The following IST1 variants were observed in gnomAD, a reference collection of about 807,000 sequenced individuals.
The protein encoded by IST1 is IST1 factor associated with ESCRT-III.
IST1 carries 23 observed loss-of-function variants against 37.0 expected under a neutral mutation model. The ratio of observed to expected loss-of-function variants is 0.62; its 90% CI spans 0.45 to 0.88. The LOEUF (loss-of-function observed/expected upper bound fraction) is 0.88, where lower values mean the gene tolerates loss of function less well. Ranked by LOEUF, IST1 falls within the 40% of genes least tolerant of loss-of-function variation. The pLI is 0.00. For synonymous variants in IST1, 180 were observed against 161.7 expected, an observed-to-expected ratio of 1.11 and a Z score of -0.86; for missense variants, 488 against 445.4, an observed-to-expected ratio of 1.10 and a Z score of -0.86.
chr16:71,912,465 C>G (rs1233616372), intron 1 of IST1, among the ~76,000 whole-genome samples: 3 of 152,038 alleles, frequency 2.0e-5, no homozygotes, highest in East Asian at 1.9e-4. Context: ...TCTCGATCTC[C>G]TGACTTCGTG....
chr16:71,927,955 C>T lies in IST1; in HGVS notation c.*142C>T, dbSNP rs1056601061. The T allele has an allele frequency of 1.4e-5, 9 of 642,090 alleles. No individual in the cohort carries two copies. Among genetic ancestry groups the T allele is most frequent in the African/African-American group, 1.1e-4 (6 of 54,868 alleles). 39.8% of individuals were successfully genotyped at this position (642,090 alleles called of 1,614,324 possible). On this transcript the variant is annotated 3_prime_UTR_variant, in exon 10 of 10. Coordinates refer to ENST00000378799, the MANE Select transcript of IST1 (RefSeq NM_001270975.2). ...CTCCCTCTGGGCTCTCTTCCTGCTC[C>T]TCCAGATTCTGCTGCTTTCCAGTTC...
In IST1 at chr16:71,895,542, T is replaced by G. The variant is rs1458394301; in HGVS notation, c.-63T>G. ...CCGAGGGAGTCGCCATTTTGGATGG[T>G]GAACCCTGAAGTCGGTGTCTGCTGC... is the stretch of plus-strand genomic sequence containing the variant. On this transcript the variant is annotated 5_prime_UTR_variant, in exon 1 of 10. Transcript: ENST00000378799. 2 of 985,554 alleles carry G rather than the reference T, an allele frequency of 2.0e-6. No individual in the cohort carries two copies. Among genetic ancestry groups the G allele is most frequent in the Non-Finnish European group, 2.4e-6 (2 of 830,064 alleles). 61.1% of individuals were successfully genotyped at this position (985,554 alleles called of 1,614,324 possible).
At chr16:71,914,508 CACAT>C (rs991425149) in intron 1 of IST1, among the ~76,000 whole-genome samples, 119 of 152,252 alleles carry the variant, frequency 7.8e-4, no homozygotes, top group African/African-American at 2.6e-3. Context: ...GCCAATGTCT[CACAT>C]ACAGGTAATC....
intron 6 of IST1, 39 bp downstream of exon 6, chr16:71,921,492 A>T: frequency 1.6e-6 from 2 of 1,254,232 alleles, no homozygotes; most frequent in South Asian, 1.2e-5. Context: ...ATGAGTTTGT[A>T]GGTATGACCT....
intron 1 of IST1, among the ~76,000 whole-genome samples, chr16:71,902,587 A>G (rs549687532): frequency 1.1e-4 from 16 of 152,290 alleles, no homozygotes; most frequent in Middle Eastern, 3.4e-3. Context: ...AATTTTTGTA[A>G]TAGATCTAGT....
intron 1 of IST1, among the ~76,000 whole-genome samples, chr16:71,897,237 G>C (rs915471514): frequency 2.7e-5 from 4 of 148,254 alleles, no homozygotes; most frequent in African/African-American, 1.0e-4. Context: ...GCCCAGACTG[G>C]TCTTGAACTC....
In IST1 at chr16:71,928,173, G is replaced by C. The variant is rs898313762; in HGVS notation, c.*360G>C. 1.0e-5 allele frequency: 3 copies of C among 291,378 alleles called. No individual in the cohort carries two copies. Among genetic ancestry groups the C allele is most frequent in the African/African-American group, 6.6e-5 (3 of 45,534 alleles). The allele number at this position is 291,378 out of a possible 1,614,324, so 18.0% of individuals were successfully genotyped here. Reference sequence around the variant, plus strand: ...CCAAAGATGGCTGGACAGTGGGAGAGAGCACGTTGTGAAGCATCCCAGCCT... The same window carrying C: ...CCAAAGATGGCTGGACAGTGGGAGACAGCACGTTGTGAAGCATCCCAGCCT... On this transcript the variant is annotated 3_prime_UTR_variant, in exon 10 of 10. Transcript: ENST00000378799.
chr16:71,921,409 G>A lies in IST1; in HGVS notation c.508G>A (p.Ala170Thr). 1 of 1,613,530 alleles carries A rather than the reference G, an allele frequency of 6.2e-7. No homozygotes were observed. The highest frequency in any genetic ancestry group is 8.5e-7 in the Non-Finnish European group (1 of 1,179,476). Residue 170 changes from alanine to threonine, a missense_variant, in exon 6 of 10, where the codon GCA (alanine) becomes ACA (threonine). Around this residue, in one of 2 missense-constraint regions of IST1, gnomAD observed 455 missense variants for 386.2 expected, o/e 1.18. Transcript: ENST00000378799. ...GGTGGAGAGATACCTGATTGAAATTGCAAAGAATTACAACGTACCCTATGA... is the reference window on the plus strand; with the variant it reads ...GGTGGAGAGATACCTGATTGAAATTACAAAGAATTACAACGTACCCTATGA... ...ILVERYLIEIAKNYNVPYEPD... is the reference protein window; with the variant it reads ...ILVERYLIEITKNYNVPYEPD...
chr16:71,894,552 CT>C (rs1284291757), upstream of IST1: 2 of 245,906 alleles, frequency 8.1e-6, no homozygotes, highest in East Asian at 9.5e-5. Flanking sequence ...GGCCCTTTTT[CT>C]TTTTTTCTGT....
rs763793190 is a variant in IST1 at position 71,929,466 on chromosome 16, T to G, written c.*1653T>G. The stretch of plus-strand genomic sequence containing the variant: ...AATTAAAAACAAAGTATATTATAAT[T>G]TTAAAGCTATGCCATGCAAAGATAA... On this transcript the variant is annotated 3_prime_UTR_variant, in exon 10 of 10. Transcript: ENST00000378799. 25 of 1,378,462 alleles carry G rather than the reference T, an allele frequency of 1.8e-5. No homozygotes were observed. The highest frequency in any genetic ancestry group is 2.3e-5 in the Non-Finnish European group (24 of 1,033,034). 85.4% of individuals were successfully genotyped at this position (1,378,462 alleles called of 1,614,324 possible).
chr16:71,911,651 G>A (rs1028230672), intron 1 of IST1, among the ~76,000 whole-genome samples: 1 of 150,184 alleles, frequency 6.7e-6, no homozygotes, highest in Non-Finnish European at 1.5e-5. Context: ...ATCATTGTAT[G>A]TTCCCCTCTG....
chr16:71,921,079 G>A (rs2037569459), intron 5 of IST1: 1 of 600,632 alleles, frequency 1.7e-6, no homozygotes, highest in Admixed American at 2.8e-5. Context: ...GAAGTGAGGT[G>A]GGGAGAAGGG....
intron 9 of IST1, among the ~76,000 whole-genome samples, chr16:71,926,350 GTTT>G (rs879484620): frequency 1.4e-5 from 2 of 142,406 alleles, no homozygotes; most frequent in Admixed American, 7.1e-5. Context: ...AAAACTCATA[GTTT>G]TTTTTTTTTT....
Position 71,927,978 on chromosome 16 carries a change from T to C in IST1, c.*165T>C. The C allele has an allele frequency of 3.3e-6, 2 of 605,514 alleles. No individual in the cohort carries two copies. The highest frequency in any genetic ancestry group is 5.9e-6 in the Non-Finnish European group (2 of 340,850). 37.5% of individuals were successfully genotyped at this position (605,514 alleles called of 1,614,324 possible). A position where few individuals can be genotyped will look rare whatever the true frequency, so the allele number is the denominator to read the frequency against. On this transcript the variant is annotated 3_prime_UTR_variant, in exon 10 of 10. Coordinates refer to ENST00000378799, the MANE Select transcript of IST1 (RefSeq NM_001270975.2). ...TCCTCCAGATTCTGCTGCTTTCCAG[T>C]TCTCTGTTGATCCTGAGACTAACAA...
chr16:71,921,414 G>A lies in IST1; in HGVS notation c.513G>A (p.Lys171=), dbSNP rs1233535776. 1.9e-6 allele frequency: 3 copies of A among 1,613,074 alleles called. No individual in the cohort carries two copies. The highest frequency in any genetic ancestry group is 3.3e-5 in the Admixed American group (2 of 60,020). ...AGAGATACCTGATTGAAATTGCAAAGAATTACAACGTACCCTATGAACCTG... is the reference window on the plus strand; with the variant it reads ...AGAGATACCTGATTGAAATTGCAAAAAATTACAACGTACCCTATGAACCTG... ...LVERYLIEIA[K]NYNVPYEPDS... Residue 171 remains lysine (K), a synonymous_variant, in exon 6 of 10, where the codon AAG becomes AAA. Coordinates refer to ENST00000378799, the MANE Select transcript of IST1 (RefSeq NM_001270975.2).
At chr16:71,923,464 AG>A (rs2037659955) in intron 8 of IST1, 84 bp downstream of exon 8, 2 of 823,198 alleles carry the variant, frequency 2.4e-6, no homozygotes, top group Non-Finnish European at 4.1e-6. Flanking sequence ...GGGAAGGCAG[AG>A]TTTTGATCAA....
intron 1 of IST1, among the ~76,000 whole-genome samples, chr16:71,911,129 T>C (rs1286542841): frequency 2.6e-5 from 4 of 152,038 alleles, no homozygotes; most frequent in African/African-American, 9.7e-5. Context: ...TAATCTCAGT[T>C]ACTTGGGAGG....
chr16:71,925,000 A>G (rs1346707584), intron 9 of IST1, among the ~76,000 whole-genome samples, 183 bp downstream of exon 9: 1 of 150,522 alleles, frequency 6.6e-6, no homozygotes, highest in Non-Finnish European at 1.5e-5. Flanking sequence ...ATCCTAAGTG[A>G]TAGCTCAGTG....
intron 1 of IST1, among the ~76,000 whole-genome samples, chr16:71,912,272 CTG>C (rs1444525385): frequency 1.3e-5 from 2 of 152,086 alleles, no homozygotes; most frequent in Non-Finnish European, 1.5e-5. Flanking sequence ...GAATCTCGCT[CTG>C]TCACTCAGGC....
Sources: gnomAD v4.1 joint callset for allele counts (sites outside exome capture counted in the v4.1 genomes callset) on GRCh38, gnomAD v4.1.1 for gene constraint, gnomAD v4.1.1 regional missense constraint, MANE v1.5 for transcripts, NCBI Gene and HGNC (gene_info 2026-07-23, HGNC 2026-07-21) for gene names.